Variants in INPP4B observed in about 807,000 individuals in gnomAD.
INPP4B encodes inositol polyphosphate 4-phosphatase type II.
Under a neutral mutation model 122.5 loss-of-function variants are expected in INPP4B, and 55 were observed. The observed-to-expected ratio is 0.45, with a 90% confidence interval of 0.36 to 0.56. INPP4B has a LOEUF of 0.56. Among genes scored for constraint, INPP4B ranks in the 20% least tolerant of loss-of-function variants. INPP4B has a pLI of 0.00. For synonymous variants in INPP4B, 403 were observed against 388.7 expected (o/e 1.04, Z -0.43); for missense variants, 1,000 against 1,097.7 (o/e 0.91, Z 1.26).
intron 7 of INPP4B, among the ~76,000 whole-genome samples, chr4:142,363,999 G>A (rs1400742665): frequency 7.3e-6 from 1 of 136,056 alleles, no homozygotes; most frequent in East Asian, 2.6e-4. Context: ...TTTGTGAGTA[G>A]AGGTAGCAGA....
chr4:142,357,781 G>A (rs987588950), intron 7 of INPP4B, among the ~76,000 whole-genome samples: 1 of 151,992 alleles, frequency 6.6e-6, no homozygotes, highest in African/African-American at 2.4e-5. Flanking sequence ...TTAACTAGTT[G>A]TAATTATTTT....
chr4:142,770,160 G>A (rs544945302), intron 1 of INPP4B, among the ~76,000 whole-genome samples: 51 of 152,276 alleles, frequency 3.3e-4, no homozygotes, highest in African/African-American at 1.2e-3. Context: ...ACTGATAACA[G>A]TTGTTTGCCT....
chr4:142,126,891 G>A (rs1003733928), intron 18 of INPP4B, among the ~76,000 whole-genome samples: 2 of 151,592 alleles, frequency 1.3e-5, no homozygotes, highest in African/African-American at 4.9e-5. Context: ...TTATTTAATT[G>A]TTGTTCTCAA....
intron 14 of INPP4B, among the ~76,000 whole-genome samples, chr4:142,203,330 T>C (rs1234458990): frequency 6.6e-6 from 1 of 152,114 alleles, no homozygotes; most frequent in Non-Finnish European, 1.5e-5. Context: ...TGAAACAAAA[T>C]AGTTGCTTTA....
At chr4:142,708,080 G>A (rs1762672029) in intron 2 of INPP4B, among the ~76,000 whole-genome samples, 1 of 152,174 alleles carries the variant, frequency 6.6e-6, no homozygotes, top group Admixed American at 6.5e-5. Context: ...CTGCCCTAGA[G>A]ATCTGTGGAA....
At chr4:142,153,114 A>C (rs1372774475) in intron 17 of INPP4B, among the ~76,000 whole-genome samples, 1 of 152,230 alleles carries the variant, frequency 6.6e-6, no homozygotes, top group Non-Finnish European at 1.5e-5. Flanking sequence ...ATATTAAATA[A>C]AACATTTAAT....
intron 25 of INPP4B, chr4:142,030,287 T>C: frequency 2.0e-6 from 3 of 1,535,064 alleles, no homozygotes; most frequent in Non-Finnish European, 2.6e-6. Flanking sequence ...CATTCAGTGC[T>C]CCCTGGGTTT....
chr4:142,842,700 AT>A (rs1783668169), intron 1 of INPP4B, among the ~76,000 whole-genome samples: 1 of 131,484 alleles, frequency 7.6e-6, no homozygotes, highest in African/African-American at 2.9e-5. Flanking sequence ...ATAATATATA[AT>A]ATATAAATAT....
intron 3 of INPP4B, among the ~76,000 whole-genome samples, chr4:142,452,931 A>G (rs1580104420): frequency 6.6e-6 from 1 of 152,168 alleles, no homozygotes; most frequent in Non-Finnish European, 1.5e-5. Flanking sequence ...ATGGAACACG[A>G]GCATTATATA....
At chr4:142,788,215 C>A (rs1389855948) in intron 1 of INPP4B, among the ~76,000 whole-genome samples, 1 of 151,990 alleles carries the variant, frequency 6.6e-6, no homozygotes, top group Non-Finnish European at 1.5e-5. Flanking sequence ...TTTAATAATG[C>A]ATCTTTATTC....
At chr4:142,554,933 C>T (rs1408260815) in intron 2 of INPP4B, among the ~76,000 whole-genome samples, 4 of 152,162 alleles carry the variant, frequency 2.6e-5, no homozygotes, top group African/African-American at 9.7e-5. Flanking sequence ...AGCTGTGCCC[C>T]AAACTCTTTG....
intron 3 of INPP4B, among the ~76,000 whole-genome samples, chr4:142,436,028 C>T (rs1434194832): frequency 6.6e-6 from 1 of 152,210 alleles, no homozygotes; most frequent in Non-Finnish European, 1.5e-5. Flanking sequence ...GGAAGGGCGG[C>T]AGCTATCACT....
chr4:142,127,244 G>T (rs1197797579), intron 18 of INPP4B, among the ~76,000 whole-genome samples: 2 of 152,082 alleles, frequency 1.3e-5, no homozygotes, highest in East Asian at 3.9e-4. Context: ...TACTTTATAT[G>T]ATTTTTCTAG....
At chr4:142,258,774 A>G (rs1579491006) in intron 11 of INPP4B, among the ~76,000 whole-genome samples, 1 of 152,174 alleles carries the variant, frequency 6.6e-6, no homozygotes. Flanking sequence ...AACTAGTTCA[A>G]TCATTGTGGA....
intron 1 of INPP4B, among the ~76,000 whole-genome samples, chr4:142,770,973 A>G (rs913150899): frequency 6.6e-6 from 1 of 151,932 alleles, no homozygotes; most frequent in Admixed American, 6.6e-5. Context: ...GGCAAGCACT[A>G]TTGTAGATAT....
intron 25 of INPP4B, among the ~76,000 whole-genome samples, chr4:142,065,137 T>C (rs1278258859): frequency 6.6e-6 from 1 of 152,112 alleles, no homozygotes; most frequent in African/African-American, 2.4e-5. Context: ...GCAGTTTACA[T>C]TGATACATCA....
chr4:142,097,466 A>G (rs932431112), intron 23 of INPP4B, among the ~76,000 whole-genome samples: 9 of 151,902 alleles, frequency 5.9e-5, no homozygotes, highest in African/African-American at 2.2e-4. Context: ...CATGTTGACC[A>G]GGCTGGTCTC....
intron 18 of INPP4B, among the ~76,000 whole-genome samples, chr4:142,143,509 A>C (rs1808955031): frequency 6.6e-6 from 1 of 152,082 alleles, no homozygotes. Flanking sequence ...CCGTTCACCC[A>C]CACATACACA....
intron 25 of INPP4B, among the ~76,000 whole-genome samples, chr4:142,042,214 T>C (rs552591500): frequency 3.5e-4 from 54 of 152,254 alleles, no homozygotes; most frequent in African/African-American, 1.2e-3. Flanking sequence ...TTTAGACACA[T>C]AGCAAAGCAA....
Sources: allele counts gnomAD v4.1 joint callset (sites outside exome capture counted in the v4.1 genomes callset), GRCh38; gene constraint gnomAD v4.1.1; transcripts MANE v1.5; gene names NCBI Gene and HGNC (gene_info 2026-07-23, HGNC 2026-07-21).